Variants in KIF16B observed in about 807,000 individuals in gnomAD.
KIF16B encodes kinesin-like protein KIF16B.
In KIF16B, 98 loss-of-function variants were observed where a neutral mutation model predicts 156.3. The ratio of observed to expected loss-of-function variants is 0.63; its 90% CI spans 0.53 to 0.74. The LOEUF (loss-of-function observed/expected upper bound fraction) is 0.74, where lower values mean the gene tolerates loss of function less well. Among genes scored for constraint, KIF16B ranks in the 30% least tolerant of loss-of-function variants. The pLI is 0.00. For synonymous variants in KIF16B, 564 were observed against 583.7 expected (o/e 0.97, Z 0.49); for missense variants, 1,421 against 1,606.5 (o/e 0.88, Z 1.97).
At chr20:16,512,801 C>G (rs368839273) in intron 5 of KIF16B, 25 bp downstream of exon 5, 4 of 1,530,832 alleles carry the variant, frequency 2.6e-6, no homozygotes, top group Admixed American at 3.3e-5. Flanking sequence ...AGCTCACACA[C>G]AGTTACCCAG....
At chr20:16,479,068 G>A (rs1301670765) in intron 12 of KIF16B, among the ~76,000 whole-genome samples, 1 of 152,146 alleles carries the variant, frequency 6.6e-6, no homozygotes, top group Non-Finnish European at 1.5e-5. Context: ...ATAAACTATG[G>A]TATAGCCACA....
intron 12 of KIF16B, among the ~76,000 whole-genome samples, chr20:16,490,706 C>T (rs1322449618): frequency 6.6e-6 from 1 of 152,184 alleles, no homozygotes; most frequent in Non-Finnish European, 1.5e-5. Flanking sequence ...TCTGCCAGCA[C>T]CTTGATCTTG....
At chr20:16,515,398 AG>A in intron 4 of KIF16B, 149 bp downstream of exon 4, 1 of 521,956 alleles carries the variant, frequency 1.9e-6, no homozygotes, top group East Asian at 3.0e-5. Flanking sequence ...AAGGAAATTT[AG>A]TCCAACTTAT....
At chr20:16,300,168 T>C (rs1005741160) in intron 25 of KIF16B, among the ~76,000 whole-genome samples, 4 of 152,162 alleles carry the variant, frequency 2.6e-5, no homozygotes, top group Admixed American at 2.6e-4. Flanking sequence ...TAGGTCTAAT[T>C]TTCAGACTTG....
intron 10 of KIF16B, among the ~76,000 whole-genome samples, chr20:16,503,867 G>C (rs6044036): frequency 6.6e-6 from 1 of 152,054 alleles, no homozygotes; most frequent in Non-Finnish European, 1.5e-5. Flanking sequence ...ATCAAGCGAG[G>C]GCCCAGGGAC....
chr20:16,509,808 GT>G (rs2068901342), intron 6 of KIF16B, among the ~76,000 whole-genome samples: 1 of 152,130 alleles, frequency 6.6e-6, no homozygotes, highest in African/African-American at 2.4e-5. Flanking sequence ...CAAGTATGAT[GT>G]TTTATTTTGC....
chr20:16,566,442 T>A (rs779455540), intron 1 of KIF16B, among the ~76,000 whole-genome samples: 4 of 152,228 alleles, frequency 2.6e-5, no homozygotes, highest in Non-Finnish European at 4.4e-5. Flanking sequence ...TACTATTAGA[T>A]GAAACTTCAG....
intron 4 of KIF16B, among the ~76,000 whole-genome samples, chr20:16,514,038 G>A (rs995419573): frequency 7.9e-5 from 12 of 152,124 alleles, no homozygotes; most frequent in African/African-American, 1.9e-4. Context: ...GTCTTACGTC[G>A]TATTTTTGGT....
chr20:16,445,754 T>C (rs1188603302), intron 12 of KIF16B, among the ~76,000 whole-genome samples: 1 of 152,206 alleles, frequency 6.6e-6, no homozygotes, highest in Non-Finnish European at 1.5e-5. Context: ...GTGTGCAAAG[T>C]GCTTGCTGCC....
chr20:16,365,532 T>C (rs907692880), intron 22 of KIF16B, among the ~76,000 whole-genome samples: 9 of 152,182 alleles, frequency 5.9e-5, no homozygotes, highest in Non-Finnish European at 7.4e-5. Context: ...GCCACCAGTC[T>C]GTGGATCGTA....
Position 16,371,687 on chromosome 20 carries a change from C to A in KIF16B, c.3425G>T (p.Ser1142Ile). ...TACCTTCATCGTGTCTGCAGATGTA[C>A]TGCAGCCTTCACTAATCACACGATG... ...DLHRVISEGC[S>I]TSADTMKDNE... is the part of the protein sequence containing the mutation. The change falls in exon 21 of 26, where the codon AGT becomes ATT. Residue 1142 changes from serine (S) to isoleucine (I), a missense_variant. Physicochemically the swap from Ser to Ile is moderately radical, Grantham distance 142 (BLOSUM62 -2). Transcript: ENST00000354981. 6.2e-7 allele frequency: 1 copy of A among 1,612,628 alleles called. No individual in the cohort carries two copies.
chr20:16,375,972 C>G (rs1035861242), intron 19 of KIF16B, among the ~76,000 whole-genome samples: 2 of 152,200 alleles, frequency 1.3e-5, no homozygotes, highest in South Asian at 4.1e-4. Flanking sequence ...TGACTTGCAA[C>G]TCTGCCACTT....
chr20:16,384,112 CTA>C (rs2065170284), intron 17 of KIF16B, among the ~76,000 whole-genome samples: 3 of 152,210 alleles, frequency 2.0e-5, no homozygotes, highest in Non-Finnish European at 4.4e-5. Context: ...ACTGTTGCTA[CTA>C]GTGAGCTGCA....
chr20:16,437,193 A>G (rs1395713409), intron 12 of KIF16B, among the ~76,000 whole-genome samples: 1 of 152,210 alleles, frequency 6.6e-6, no homozygotes, highest in Non-Finnish European at 1.5e-5. Context: ...GGTCTAACAT[A>G]TCATACATAT....
rs147337963 is a variant in KIF16B at position 16,323,254 on chromosome 20, T to C, written c.3712-10836A>G. The stretch of plus-strand genomic sequence containing the variant: ...GAAAAAATACAACATAGCACTCGAA[T>C]TGGTCAAATCTGCTATAACCTGTCT... On this transcript the variant is annotated intron_variant, in intron 24 of 25. Transcript: ENST00000354981. 7.9e-5 allele frequency among the ~76,000 whole-genome samples: 12 copies of C among 152,172 alleles called. No homozygotes were observed. In the East Asian group the frequency reaches 2.3e-3, roughly 29 times the overall value.
chr20:16,482,156 C>T (rs2068000250), intron 12 of KIF16B, among the ~76,000 whole-genome samples: 1 of 152,028 alleles, frequency 6.6e-6, no homozygotes, highest in African/African-American at 2.4e-5. Flanking sequence ...AACTTAGGCC[C>T]TTATTCTTTT....
chr20:16,536,316 G>A (rs527670224), intron 1 of KIF16B, among the ~76,000 whole-genome samples: 3 of 152,000 alleles, frequency 2.0e-5, no homozygotes, highest in African/African-American at 7.2e-5. Flanking sequence ...AGAGTAGAAT[G>A]ATAGATATCA....
At chr20:16,280,867 T>TGTGTGTGTGTGC (rs758721339) in intron 25 of KIF16B, among the ~76,000 whole-genome samples, 6,812 of 150,836 alleles carry the variant, frequency 0.045, 191 homozygotes, top group South Asian at 0.086. Flanking sequence ...TGTGTGTGTG[T>TGTGTGTGTGTGC]GCGCAGAAAA....
chr20:16,396,648 C>CTT (rs11476845), intron 17 of KIF16B, among the ~76,000 whole-genome samples: 12 of 124,662 alleles, frequency 9.6e-5, no homozygotes, highest in African/African-American at 1.7e-4. Flanking sequence ...ACTGTAGTCG[C>CTT]TTTTTTTTTT....
Sources: gnomAD v4.1 joint callset for allele counts (sites outside exome capture counted in the v4.1 genomes callset) on GRCh38, gnomAD v4.1.1 for gene constraint, MANE v1.5 for transcripts, NCBI Gene and HGNC (gene_info 2026-07-23, HGNC 2026-07-21) for gene names.